Variants in BTF3L4 observed in about 807,000 individuals in gnomAD.
BTF3L4 encodes transcription factor BTF3 homolog 4.
A neutral mutation model predicts 16.8 loss-of-function variants in BTF3L4; 6 were observed. That is an observed-to-expected ratio of 0.36 (90% CI 0.20 to 0.71). BTF3L4 has a LOEUF of 0.71. Among genes scored for constraint, BTF3L4 ranks in the 30% least tolerant of loss-of-function variants. BTF3L4 has a pLI of 0.58. For missense variants in BTF3L4, 92 were observed against 186.9 expected (o/e 0.49, Z 2.96); for synonymous variants, 39 against 59.8 (o/e 0.65, Z 1.60).
intron 2 of BTF3L4, among the ~76,000 whole-genome samples, chr1:52,064,394 T>C (rs1246972393): frequency 6.6e-6 from 1 of 152,246 alleles, no homozygotes; most frequent in Non-Finnish European, 1.5e-5. Flanking sequence ...AATGTAGACA[T>C]TAATTTTCAG....
At chr1:52,084,043 C>T (rs531066897) in intron 4 of BTF3L4, among the ~76,000 whole-genome samples, 7 of 151,220 alleles carry the variant, frequency 4.6e-5, no homozygotes, top group Middle Eastern at 3.4e-3. Context: ...AAAGAATATT[C>T]GGAAACATTT....
At chr1:52,070,671 G>C (rs1282301325) in intron 3 of BTF3L4, among the ~76,000 whole-genome samples, 1 of 134,582 alleles carries the variant, frequency 7.4e-6, no homozygotes, top group African/African-American at 2.8e-5. Flanking sequence ...TGGTCTCACT[G>C]TGTTACTCAG....
intron 3 of BTF3L4, among the ~76,000 whole-genome samples, chr1:52,077,851 G>A (rs1474504583): frequency 6.6e-6 from 1 of 152,068 alleles, no homozygotes; most frequent in East Asian, 1.9e-4. Flanking sequence ...AGCATAAAAG[G>A]GCCACCCAGC....
In BTF3L4 at chr1:52,089,574, C is replaced by G. The variant is rs770818897; in HGVS notation, c.*2816C>G. The G allele has an allele frequency of 6.6e-6, 1 of 151,700 alleles. No individual in the cohort carries two copies. Among genetic ancestry groups the G allele is most frequent in the Non-Finnish European group, 1.5e-5 (1 of 67,948 alleles). The allele number at this position is 151,700 out of a possible 1,614,324, so 9.4% of individuals were successfully genotyped here. On this transcript the variant is annotated 3_prime_UTR_variant, in exon 6 of 6. Transcript: ENST00000313334. ...CTTACTAAGATTAGGTATTTTTTGC[C>G]AAGATAACAATGATAAAAACATTTT...
chr1:52,080,638 A>G (rs1212021068), intron 3 of BTF3L4, among the ~76,000 whole-genome samples: 1 of 137,756 alleles, frequency 7.3e-6, no homozygotes, highest in Non-Finnish European at 1.5e-5. Context: ...GGTTCAAGCA[A>G]TTCTCCTGCC....
intron 2 of BTF3L4, chr1:52,060,459 A>C: frequency 7.9e-7 from 1 of 1,272,212 alleles, no homozygotes; most frequent in South Asian, 1.3e-5. Flanking sequence ...CTGTTCTTCC[A>C]TGTTGGTGAA....
intron 3 of BTF3L4, among the ~76,000 whole-genome samples, chr1:52,079,823 C>A (rs1406424277): frequency 1.3e-5 from 2 of 150,804 alleles, no homozygotes; most frequent in Non-Finnish European, 2.9e-5. Context: ...ATAAATCATT[C>A]TCTGACAAGC....
intron 2 of BTF3L4, among the ~76,000 whole-genome samples, chr1:52,061,438 A>C (rs538016691): frequency 3.5e-4 from 53 of 149,888 alleles, no homozygotes; most frequent in Non-Finnish European, 6.1e-4. Flanking sequence ...CGGTGAGCCA[A>C]GATTGCACCA....
rs1204943463 is a variant in BTF3L4, at chr1:52,090,548, A to ATG, written c.*3792_*3793dup. On this transcript the variant is annotated 3_prime_UTR_variant, in exon 6 of 6. Coordinates refer to ENST00000313334, the MANE Select transcript of BTF3L4 (RefSeq NM_152265.5). ...AGCTACCTAAATTTCCTATCTGAGC[A>ATG]TGTCCTTACATTTACTTCCAGCATA... 2 of 152,280 alleles carry ATG rather than the reference A, an allele frequency of 1.3e-5. No homozygotes were observed. Among genetic ancestry groups the ATG allele is most frequent in the Admixed American group, 1.3e-4 (2 of 15,286 alleles). 9.4% of individuals were successfully genotyped at this position (152,280 alleles called of 1,614,324 possible).
intron 5 of BTF3L4, 66 bp from the exon 6 acceptor site, chr1:52,086,646 A>G: frequency 1.0e-6 from 1 of 963,608 alleles, no homozygotes; most frequent in Non-Finnish European, 1.6e-6. Flanking sequence ...AGAAGTTAGG[A>G]GTTCCATTTA....
At chr1:52,058,891 T>A (rs1354609730) in intron 1 of BTF3L4, among the ~76,000 whole-genome samples, 1 of 152,230 alleles carries the variant, frequency 6.6e-6, no homozygotes, top group Non-Finnish European at 1.5e-5. Context: ...TGAGCCACCG[T>A]GCCGGGCCTG....
chr1:52,082,609 CCT>C (rs1307126276), intron 3 of BTF3L4, among the ~76,000 whole-genome samples: 1 of 152,026 alleles, frequency 6.6e-6, no homozygotes, highest in Non-Finnish European at 1.5e-5. Flanking sequence ...GTGGCATGTG[CCT>C]CTCATCTCAG....
intron 3 of BTF3L4, among the ~76,000 whole-genome samples, chr1:52,065,602 G>A (rs577488009): frequency 6.6e-6 from 1 of 152,130 alleles, no homozygotes; most frequent in East Asian, 1.9e-4. Flanking sequence ...TGGACTCATG[G>A]CTCAATAGAG....
At chr1:52,082,165 A>G (rs749863274) in intron 3 of BTF3L4, among the ~76,000 whole-genome samples, 2 of 152,064 alleles carry the variant, frequency 1.3e-5, no homozygotes, top group South Asian at 2.1e-4. Context: ...CACAAATTCA[A>G]CTCTACTGAA....
At position 52,083,532 on chromosome 1, in the gene BTF3L4, C is replaced by A. The variant is rs1431251511; in HGVS notation, c.361C>A (p.Pro121Thr). The A allele has an allele frequency of 1.2e-6, 2 of 1,612,176 alleles. No homozygotes were observed. Among genetic ancestry groups the A allele is most frequent in the Non-Finnish European group, 1.7e-6 (2 of 1,178,560 alleles). ...TSLRKLAEQF[P>T]RQVLDSKAPK... ...CCTTAGGAAGTTAGCTGAACAGTTC[C>A]CACGGCAAGGTAGGTATTTCAATTT... Residue 121 changes from proline (P) to threonine (T), a missense_variant, in exon 4 of 6, where the codon CCA becomes ACA. Transcript: ENST00000313334.
In BTF3L4 at chr1:52,073,493, TACACACACACACACAC is replaced by T. The variant is rs142147737; in HGVS notation, c.168+8577_168+8592del. On this transcript the variant is annotated intron_variant, in intron 3 of 5. Coordinates refer to ENST00000313334, the MANE Select transcript of BTF3L4 (RefSeq NM_152265.5). ...ATATATGCACTATATATATGCTACATACACACACACACACACACACACACACACACACACACATATG... is the reference window on the plus strand; with the variant it reads ...ATATATGCACTATATATATGCTACATACACACACACACACACACACATATG... 8.8e-3 allele frequency among the ~76,000 whole-genome samples: 1,229 copies of T among 139,344 alleles called. 14 individuals carry two copies. Among genetic ancestry groups the T allele is most frequent in the Non-Finnish European group, 0.01 (653 of 64,890 alleles). 91.4% of individuals were successfully genotyped at this position (139,344 alleles called of 152,430 possible).
At chr1:52,056,860 C>T (rs1457196903) in intron 1 of BTF3L4, among the ~76,000 whole-genome samples, 1 of 152,218 alleles carries the variant, frequency 6.6e-6, no homozygotes, top group Non-Finnish European at 1.5e-5. Context: ...GTTTACAAGT[C>T]GGCGTCCCTT....
At chr1:52,070,602 A>G (rs1686764356) in intron 3 of BTF3L4, among the ~76,000 whole-genome samples, 1 of 147,514 alleles carries the variant, frequency 6.8e-6, no homozygotes, top group Admixed American at 6.9e-5. Context: ...TTTCAGAGAC[A>G]GTTTCATACA....
chr1:52,075,727 G>C (rs920751676), intron 3 of BTF3L4, among the ~76,000 whole-genome samples: 1 of 151,516 alleles, frequency 6.6e-6, no homozygotes, highest in South Asian at 2.1e-4. Flanking sequence ...GCGGTGGCGC[G>C]ATCTTGGCTA....
Sources: gnomAD v4.1 joint callset for allele counts (sites outside exome capture counted in the v4.1 genomes callset) on GRCh38, gnomAD v4.1.1 for gene constraint, MANE v1.5 for transcripts, NCBI Gene and HGNC (gene_info 2026-07-23, HGNC 2026-07-21) for gene names.